SYNGR1: variants seen among roughly 807,000 people sequenced by gnomAD.
SYNGR1 encodes synaptogyrin-1.
In SYNGR1, 14 loss-of-function variants were observed where a neutral mutation model predicts 26.1. That is an observed-to-expected ratio of 0.54 (90% CI 0.35 to 0.84). The LOEUF is 0.84. SYNGR1 is among the 40% of genes least tolerant of loss of function. The pLI, the probability that SYNGR1 is intolerant of heterozygous loss-of-function variation, is 0.01. For missense variants in SYNGR1, 319 were observed against 332.9 expected (o/e 0.96, Z 0.33); for synonymous variants, 141 against 150.1 (o/e 0.94, Z 0.44).
intron 1 of SYNGR1, among the ~76,000 whole-genome samples, chr22:39,357,172 A>T: frequency 6.6e-6 from 1 of 152,088 alleles, no homozygotes; most frequent in East Asian, 1.9e-4. Context: ...AGGCTGAGGC[A>T]CGAGAATCGC....
intron 1 of SYNGR1, among the ~76,000 whole-genome samples, chr22:39,364,828 G>C (rs1924656661): frequency 6.6e-6 from 1 of 152,134 alleles, no homozygotes; most frequent in Admixed American, 6.6e-5. Flanking sequence ...GAATCCAGTA[G>C]CCAAGGATCC....
rs542655053 is a variant in SYNGR1 at position 39,377,037 on chromosome 22, C to T, written c.483+840C>T. 5.2e-6 allele frequency: 8 copies of T among 1,551,056 alleles called. No individual in the cohort carries two copies. In the Admixed American group the frequency reaches 7.8e-5, roughly 15 times the overall value. ...CAGAGATCTGGGGCCACATCACCTCCATAGCCCCATCCCAAGAGCCCTCCC... is the reference window on the plus strand; with the variant it reads ...CAGAGATCTGGGGCCACATCACCTCTATAGCCCCATCCCAAGAGCCCTCCC... On this transcript the variant is annotated intron_variant, in intron 3 of 3. Transcript: ENST00000328933.
At chr22:39,378,172 G>A (rs1393238368) in intron 3 of SYNGR1, 4 of 1,108,736 alleles carry the variant, frequency 3.6e-6, no homozygotes, top group East Asian at 7.1e-5. Context: ...CATCCTGGCC[G>A]AGGATGTCAC....
intron 1 of SYNGR1, among the ~76,000 whole-genome samples, chr22:39,355,519 T>C (rs1490371053): frequency 1.3e-5 from 2 of 152,202 alleles, no homozygotes; most frequent in Admixed American, 1.3e-4. Context: ...TGGGAGGTGA[T>C]AGATTTCTGC....
intron 1 of SYNGR1, among the ~76,000 whole-genome samples, chr22:39,354,961 C>G (rs954186023): frequency 6.6e-6 from 1 of 152,102 alleles, no homozygotes; most frequent in African/African-American, 2.4e-5. Flanking sequence ...AATTCTGGGA[C>G]CAGCGGTTGT....
chr22:39,350,198 CCCCA>C lies in SYNGR1; in HGVS notation c.99+90_99+93del. The C allele has an allele frequency of 2.2e-6, 2 of 904,050 alleles. No individual in the cohort carries two copies. The highest frequency in any genetic ancestry group is 1.4e-6 in the Non-Finnish European group (1 of 708,788). 56.0% of individuals were successfully genotyped at this position (904,050 alleles called of 1,614,324 possible). On this transcript the variant is annotated intron_variant, in intron 1 of 3. Coordinates refer to ENST00000328933, the MANE Select transcript of SYNGR1 (RefSeq NM_004711.5). This position sits in a 1 kb window ranked among gnomAD's most constrained non-coding sequence, Gnocchi z 4.3. The stretch of plus-strand genomic sequence containing the variant: ...GCGCCCGGACCGACCCCGACCCCGA[CCCCA>C]ACGGGCCCCCGGCGGCGGCGCGGCG...
chr22:39,362,177 GC>G (rs1321063433), intron 1 of SYNGR1, among the ~76,000 whole-genome samples: 1 of 151,992 alleles, frequency 6.6e-6, no homozygotes, highest in Non-Finnish European at 1.5e-5. Flanking sequence ...AGGCTCCAAG[GC>G]CCCCTTGAGG....
Position 39,350,986 on chromosome 22 carries a change from C to T in SYNGR1, c.99+877C>T, listed in dbSNP as rs1923881352. Among the ~76,000 whole-genome samples the T allele has an allele frequency of 1.3e-5, 2 of 152,136 alleles. 1 individual carries two copies. The highest frequency in any genetic ancestry group is 4.1e-4 in the South Asian group (2 of 4,830). ...CTCAGTGCAGAGGGCTGAGTGGGCT[C>T]TTGTTCAGACGGGTGGTCAGGGAGA... On this transcript the variant is annotated intron_variant, in intron 1 of 3. Coordinates refer to ENST00000328933, the MANE Select transcript of SYNGR1 (RefSeq NM_004711.5). This position sits in a 1 kb window ranked among gnomAD's most constrained non-coding sequence, Gnocchi z 4.3.
chr22:39,364,422 T>C (rs1924636579), intron 1 of SYNGR1: 3 of 1,481,552 alleles, frequency 2.0e-6, no homozygotes, highest in Middle Eastern at 1.7e-4. Context: ...TTTATGGGGA[T>C]TAAAATAGAT....
chr22:39,363,921 T>G (rs1329954186), intron 1 of SYNGR1, among the ~76,000 whole-genome samples: 1 of 152,122 alleles, frequency 6.6e-6, no homozygotes, highest in Non-Finnish European at 1.5e-5. Context: ...TCTCTGCAGC[T>G]TATCTGGGGA....
chr22:39,356,017 T>A (rs558977053), intron 1 of SYNGR1, among the ~76,000 whole-genome samples: 115 of 152,268 alleles, frequency 7.6e-4, no homozygotes, highest in African/African-American at 2.6e-3. Flanking sequence ...GAAACTCCAT[T>A]TCAAAAAAAG....
Position 39,385,236 on chromosome 22 carries a change from G to T in SYNGR1, c.*3322G>T, listed in dbSNP as rs1443803036. The T allele has an allele frequency of 5.3e-6, 2 of 377,562 alleles. No individual in the cohort carries two copies. Among genetic ancestry groups the T allele is most frequent in the Non-Finnish European group, 9.4e-6 (2 of 212,962 alleles). The allele number at this position is 377,562 out of a possible 1,614,324, so 23.4% of individuals were successfully genotyped here. On this transcript the variant is annotated 3_prime_UTR_variant, in exon 4 of 4. Coordinates refer to ENST00000328933, the MANE Select transcript of SYNGR1 (RefSeq NM_004711.5). ...TGCCTCCCAGCGATGCACTTGACCT[G>T]ACACTCCCCATGTCCTGGTGCGCAC... is the stretch of plus-strand genomic sequence containing the variant.
At position 39,376,033 on chromosome 22, in the gene SYNGR1, C is replaced by G. The variant is rs373393208; in HGVS notation, c.338-19C>G. 3 of 1,614,150 alleles carry G rather than the reference C, an allele frequency of 1.9e-6. No individual in the cohort carries two copies. Among genetic ancestry groups the G allele is most frequent in the African/African-American group, 2.7e-5 (2 of 75,010 alleles). ...CATGTGTGGCACTGCCTATTCTGCC[C>G]GGTCCTGGGACCCCCCAGCCTTCTG... On this transcript the variant is annotated intron_variant, in intron 2 of 3. Coordinates refer to ENST00000328933, the MANE Select transcript of SYNGR1 (RefSeq NM_004711.5).
chr22:39,382,002 G>T lies in SYNGR1; in HGVS notation c.*88G>T. ...GCTCCTGCCCAGGCTGCCCTGCCCA[G>T]CGCCTCATCAGCCTCTGCCTTGTCC... is the stretch of plus-strand genomic sequence containing the variant. On this transcript the variant is annotated 3_prime_UTR_variant, in exon 4 of 4. Coordinates refer to ENST00000328933, the MANE Select transcript of SYNGR1 (RefSeq NM_004711.5). 1 of 1,425,776 alleles carries T rather than the reference G, an allele frequency of 7.0e-7. No homozygotes were observed. The allele number at this position is 1,425,776 out of a possible 1,614,324, so 88.3% of individuals were successfully genotyped here.
rs993830791 is a variant in SYNGR1 at position 39,359,548 on chromosome 22, G to A, written c.99+9439G>A. On this transcript the variant is annotated intron_variant, in intron 1 of 3. Transcript: ENST00000328933. Reference sequence around the variant, plus strand: ...CGGGAGGCTGAGGCAGGAGAATGGCGTGAACCTGGGAGGCGGAGCTTGCAG... The same window carrying A: ...CGGGAGGCTGAGGCAGGAGAATGGCATGAACCTGGGAGGCGGAGCTTGCAG... Among the ~76,000 whole-genome samples the A allele has an allele frequency of 7.4e-5, 11 of 148,358 alleles. No homozygotes were observed. The East Asian group carries it at 1.8e-3, about 24-fold the overall frequency.
chr22:39,362,853 C>T (rs1924550295), intron 1 of SYNGR1, among the ~76,000 whole-genome samples: 1 of 152,148 alleles, frequency 6.6e-6, no homozygotes, highest in South Asian at 2.1e-4. Context: ...CTCTGACTAT[C>T]AGACTTGCTG....
At chr22:39,378,208 CAT>C in intron 3 of SYNGR1, 1 of 1,083,302 alleles carries the variant, frequency 9.2e-7, no homozygotes, top group South Asian at 2.7e-5. Flanking sequence ...GCTCTGTCCT[CAT>C]GTGCTATGTG....
chr22:39,376,470 C>CG (rs1438483987), intron 3 of SYNGR1, among the ~76,000 whole-genome samples: 2 of 152,182 alleles, frequency 1.3e-5, no homozygotes, highest in African/African-American at 4.8e-5. Flanking sequence ...ACCACCCCCC[C>CG]CCCAAACCAC....
In SYNGR1 at chr22:39,383,635, C is replaced by T. The variant is rs1199148676; in HGVS notation, c.*1721C>T. 6.5e-6 allele frequency: 1 copy of T among 152,710 alleles called. No homozygotes were observed. Among genetic ancestry groups the T allele is most frequent in the African/African-American group, 2.4e-5 (1 of 41,440 alleles). 9.5% of individuals were successfully genotyped at this position (152,710 alleles called of 1,614,324 possible). A position where few individuals can be genotyped will look rare whatever the true frequency, so the allele number is the denominator to read the frequency against. On this transcript the variant is annotated 3_prime_UTR_variant, in exon 4 of 4. Coordinates refer to ENST00000328933, the MANE Select transcript of SYNGR1 (RefSeq NM_004711.5). ...TCACCACCATCCCCCCATCCCCCAT[C>T]TAAGAATCCTAAGAGGCAGGCGATC...
Sources: gnomAD v4.1 joint callset for allele counts (sites outside exome capture counted in the v4.1 genomes callset) on GRCh38, gnomAD v4.1.1 for gene constraint, Gnocchi (gnomAD v3.1) non-coding constraint, MANE v1.5 for transcripts, NCBI Gene and HGNC (gene_info 2026-07-23, HGNC 2026-07-21) for gene names.